RELN: variants seen among roughly 807,000 people sequenced by gnomAD.
The protein encoded by RELN is reelin.
In RELN, 108 loss-of-function variants were observed where a neutral mutation model predicts 427.6. The ratio of observed to expected loss-of-function variants is 0.25; its 90% confidence interval spans 0.22 to 0.30. RELN has a LOEUF of 0.30. Among genes scored for constraint, RELN ranks in the 10% least tolerant of loss-of-function variants. The pLI, the probability that RELN is intolerant of heterozygous loss-of-function variation, is 1.00. For synonymous variants in RELN, 1,524 were observed against 1,513.4 expected, an observed-to-expected ratio of 1.01 and a Z score of -0.16; for missense variants, 3,715 against 4,302.8, an observed-to-expected ratio of 0.86 and a Z score of 3.82.
chr7:103,594,669 G>A (rs1357835859), intron 25 of RELN, among the ~76,000 whole-genome samples, 177 bp from the exon 26 acceptor site: 3 of 152,100 alleles, frequency 2.0e-5, no homozygotes. Context: ...TTGTAGGCAG[G>A]TTTAGTCCTG....
chr7:103,858,501 G>A (rs1483040644), intron 2 of RELN, among the ~76,000 whole-genome samples: 2 of 152,158 alleles, frequency 1.3e-5, no homozygotes, highest in Admixed American at 6.6e-5. Context: ...CTAGGAGTTA[G>A]AAGCATTTAG....
chr7:103,532,825 G>A (rs929947423), intron 46 of RELN, among the ~76,000 whole-genome samples: 1 of 151,996 alleles, frequency 6.6e-6, no homozygotes. Flanking sequence ...ATCACCCTAC[G>A]ATACAGAAAC....
At chr7:103,786,521 A>G (rs951708658) in intron 3 of RELN, among the ~76,000 whole-genome samples, 1 of 143,888 alleles carries the variant, frequency 6.9e-6, no homozygotes, top group Non-Finnish European at 1.5e-5. Flanking sequence ...TGGAACCAAA[A>G]AAAAAAAAAA....
At chr7:103,489,063 G>A (rs1562845786) in intron 60 of RELN, among the ~76,000 whole-genome samples, 1 of 152,206 alleles carries the variant, frequency 6.6e-6, no homozygotes, top group African/African-American at 2.4e-5. Flanking sequence ...TCAAAGGAAA[G>A]CAGGCCTGCA....
chr7:103,633,300 A>G (rs1307139994), intron 19 of RELN, among the ~76,000 whole-genome samples: 5 of 152,114 alleles, frequency 3.3e-5, no homozygotes, highest in African/African-American at 1.2e-4. Context: ...AAATAGCTAA[A>G]GGCATCAAGA....
In RELN at chr7:103,593,852, G is replaced by A. The variant is rs779947801; in HGVS notation, c.3742C>T (p.Pro1248Ser). The A allele has an allele frequency of 1.9e-6, 3 of 1,613,568 alleles. No homozygotes were observed. The highest frequency in any genetic ancestry group is 2.5e-6 in the Non-Finnish European group (3 of 1,179,776). ...NFYEKPAFDY[P>S]MNQMSVWLML... ...AACCACACACTCATCTGATTCATAG[G>A]GTAATCAAAAGCTGGCTTCTCATAA... is the stretch of plus-strand genomic sequence containing the variant. Residue 1248 changes from proline to serine, a missense_variant, in exon 27 of 65, where the codon CCT (proline) becomes TCT (serine). Physicochemically the swap from Pro to Ser is moderately conservative, Grantham distance 74. Around this residue, in one of 4 missense-constraint regions of RELN, gnomAD observed 2,208 missense variants for 2,361.7 expected, o/e 0.93. Transcript: ENST00000428762.
At chr7:103,891,509 A>C (rs566724547) in intron 2 of RELN, among the ~76,000 whole-genome samples, 5 of 152,074 alleles carry the variant, frequency 3.3e-5, no homozygotes, top group Non-Finnish European at 7.4e-5. Context: ...TCAATGCTTA[A>C]ATGGGTGACT....
intron 12 of RELN, among the ~76,000 whole-genome samples, chr7:103,659,276 C>T (rs1351933302): frequency 6.6e-6 from 1 of 152,008 alleles, no homozygotes; most frequent in Non-Finnish European, 1.5e-5. Context: ...TTCCATCATA[C>T]TCCTGCTAGA....
intron 14 of RELN, 39 bp from the exon 15 acceptor site, chr7:103,651,828 G>C (rs1832921754): frequency 1.9e-6 from 3 of 1,603,994 alleles, no homozygotes; most frequent in East Asian, 2.2e-5. Context: ...AAGGTGGGGA[G>C]GGTAAAGATA....
At chr7:103,776,168 T>A (rs1389044137) in intron 4 of RELN, among the ~76,000 whole-genome samples, 1 of 152,156 alleles carries the variant, frequency 6.6e-6, no homozygotes, top group African/African-American at 2.4e-5. Flanking sequence ...GTACACATAA[T>A]CATGTATAAT....
intron 16 of RELN, 133 bp downstream of exon 16, chr7:103,650,141 G>GA: frequency 1.4e-6 from 1 of 716,562 alleles, no homozygotes; most frequent in South Asian, 1.5e-5. Context: ...ATGCAAAGGA[G>GA]AAATGGAAGA....
At chr7:103,719,425 C>T (rs1456036391) in intron 8 of RELN, among the ~76,000 whole-genome samples, 2 of 152,190 alleles carry the variant, frequency 1.3e-5, no homozygotes, top group Non-Finnish European at 2.9e-5. Context: ...CAGACCCACC[C>T]TGTTTACAAC....
Position 103,700,971 on chromosome 7 carries a change from T to G in RELN, c.841A>C (p.Ser281Arg), listed in dbSNP as rs745910911. 5 of 1,612,484 alleles carry G rather than the reference T, an allele frequency of 3.1e-6. No homozygotes were observed. In the African/African-American group the frequency reaches 4.0e-5, roughly 13 times the overall value. ...GSCRFSYSDP[S>R]IIVLYAKNNS... ...TTCTTGGCATATAACACGATGATGCTGGGGTCTGAATAACTAAAGCGACAT... is the reference window on the plus strand; with the variant it reads ...TTCTTGGCATATAACACGATGATGCGGGGGTCTGAATAACTAAAGCGACAT... Residue 281 changes from serine to arginine, a missense_variant, in exon 9 of 65, where the codon AGC (serine) becomes CGC (arginine). By Grantham distance (110) the Ser-to-Arg change is moderately radical. Coordinates refer to ENST00000428762, the MANE Select transcript of RELN (RefSeq NM_005045.4).
intron 3 of RELN, among the ~76,000 whole-genome samples, chr7:103,783,161 T>TTTA (rs1359604483): frequency 4.2e-5 from 3 of 70,668 alleles, no homozygotes; most frequent in African/African-American, 2.0e-4. Context: ...TTTCTCTTTC[T>TTTA]TTCTTTTTTT....
intron 4 of RELN, among the ~76,000 whole-genome samples, chr7:103,764,364 C>T (rs1045025560): frequency 2.0e-5 from 3 of 152,070 alleles, no homozygotes; most frequent in African/African-American, 7.2e-5. Context: ...AATTGAGACT[C>T]AAAGATTTCA....
rs116642589 is a variant in RELN at position 103,945,508 on chromosome 7, C to T, written c.227-28323G>A. ...AGGCCTTCATGTATGGTCCCCCTCC[C>T]TGCAAAGAATGCTCTTCCTTCTAGC... On this transcript the variant is annotated intron_variant, in intron 1 of 64. Coordinates refer to ENST00000428762, the MANE Select transcript of RELN (RefSeq NM_005045.4). Among the ~76,000 whole-genome samples the T allele has an allele frequency of 2.7e-3, 418 of 152,266 alleles. 3 individuals are homozygous for T. Among genetic ancestry groups the T allele is most frequent in the African/African-American group, 9.8e-3 (407 of 41,556 alleles).
intron 2 of RELN, among the ~76,000 whole-genome samples, chr7:103,899,729 C>T (rs561964837): frequency 9.1e-4 from 138 of 152,224 alleles, no homozygotes; most frequent in African/African-American, 3.2e-3. Context: ...GCAGAAAAGG[C>T]CTTTGACAAA....
intron 37 of RELN, 21 bp downstream of exon 37, chr7:103,557,944 A>G: frequency 9.1e-7 from 1 of 1,104,394 alleles, no homozygotes. Context: ...TCTTGAAGGA[A>G]AATAATAAAT....
In RELN at chr7:103,565,446, C is replaced by T. The variant is rs140931550; in HGVS notation, c.5042G>A (p.Ser1681Asn). Reference sequence around the variant, plus strand: ...GTTCAGAGAATACTGGAGCTGTACACTGTGGGAGTTGCTGAAGGGCTTGCT... The same window carrying T: ...GTTCAGAGAATACTGGAGCTGTACATTGTGGGAGTTGCTGAAGGGCTTGCT... ...GCSKPFSNSH[S>N]VQLQYSLNNG... The change falls in exon 34 of 65, where the codon AGT (serine) becomes AAT (asparagine). Residue 1681 changes from serine (S) to asparagine (N), a missense_variant. This residue lies in a region of RELN where 2,208 missense variants were observed against 2,361.7 expected (regional missense o/e 0.93). Coordinates refer to ENST00000428762, the MANE Select transcript of RELN (RefSeq NM_005045.4). The T allele has an allele frequency of 1.9e-6, 3 of 1,613,918 alleles. No homozygotes were observed. Among genetic ancestry groups the T allele is most frequent in the Admixed American group, 1.7e-5 (1 of 59,962 alleles).
Sources: allele counts gnomAD v4.1 joint callset (sites outside exome capture counted in the v4.1 genomes callset), GRCh38; gene constraint gnomAD v4.1.1; regional missense constraint gnomAD v4.1.1; transcripts MANE v1.5; gene names NCBI Gene and HGNC (gene_info 2026-07-23, HGNC 2026-07-21).